The following CEP250 variants were observed in gnomAD, a reference collection of about 807,000 sequenced individuals.
The protein encoded by CEP250 is centrosome-associated protein CEP250.
Under a neutral mutation model 315.7 loss-of-function variants are expected in CEP250, and 242 were observed. The ratio of observed to expected loss-of-function variants is 0.77; its 90% CI spans 0.69 to 0.85. The LOEUF is 0.85. CEP250 is among the 40% of genes least tolerant of loss of function. CEP250 has a pLI of 0.00. For missense variants in CEP250, 2,515 were observed against 2,886.4 expected, an observed-to-expected ratio of 0.87 and a Z score of 2.95; for synonymous variants, 1,088 against 1,175.0, an observed-to-expected ratio of 0.93 and a Z score of 1.51.
chr20:35,504,246 C>T lies in CEP250; in HGVS notation c.5877C>T (p.Ala1959=), dbSNP rs116041792. ...SQSSRHQEEA[A]RARAEALQEA... ...CCTCCCGGCATCAGGAGGAGGCTGC[C>T]CGGGCCCGGGCTGAGGCTCTGCAGG... Residue 1959 remains alanine (A), a synonymous_variant, in exon 30 of 35, where the codon GCC becomes GCT. Transcript: ENST00000397527. 1.0e-5 allele frequency: 16 copies of T among 1,600,256 alleles called. No homozygotes were observed. The East Asian group carries it at 3.6e-4, about 36-fold the overall frequency.
intron 18 of CEP250, 76 bp from the exon 19 acceptor site, chr20:35,479,570 T>C: frequency 6.3e-7 from 1 of 1,579,820 alleles, no homozygotes; most frequent in Non-Finnish European, 8.6e-7. Flanking sequence ...TAGCCAATAC[T>C]TAGAACCCAG....
intron 10 of CEP250, among the ~76,000 whole-genome samples, chr20:35,471,849 C>T (rs919268089): frequency 6.6e-6 from 1 of 152,164 alleles, no homozygotes; most frequent in African/African-American, 2.4e-5. Context: ...ATTTGGAACT[C>T]GTAATCACTT....
chr20:35,476,335 A>C, intron 15 of CEP250, 114 bp from the exon 16 acceptor site: 1 of 906,000 alleles, frequency 1.1e-6, no homozygotes. Context: ...CAGGAGAGGG[A>C]ATGGAGTATT....
rs3762191 is a variant in CEP250, at chr20:35,498,816, A to G, written c.3777+100A>G. 1.2e-3 allele frequency: 1,654 copies of G among 1,377,648 alleles called. 35 individuals are homozygous for G. In the East Asian group the frequency reaches 0.042, roughly 35 times the overall value. 85.3% of individuals were successfully genotyped at this position (1,377,648 alleles called of 1,614,324 possible). ...TTTGACCTGTTTTATTCCTGAGATC[A>G]AGTTGGGATGAGTTTCACCTCTATC... On this transcript the variant is annotated intron_variant, in intron 27 of 34. Coordinates refer to ENST00000397527, the MANE Select transcript of CEP250 (RefSeq NM_007186.6).
rs2063913597 is a variant in CEP250 at position 35,498,598 on chromosome 20, A to G, written c.3659A>G (p.Gln1220Arg). Residue 1220 changes from glutamine (Q) to arginine (R), a missense_variant, in exon 27 of 35, where the codon CAG (glutamine) becomes CGG (arginine). By Grantham distance (43) the Gln-to-Arg change is conservative. Coordinates refer to ENST00000397527, the MANE Select transcript of CEP250 (RefSeq NM_007186.6). Reference sequence around the variant, plus strand: ...GAGGTTTTCCTCATTTTTTCAGACCAGAATGGAGCTAGGAGCCTCTTTAAG... The same window carrying G: ...GAGGTTTTCCTCATTTTTTCAGACCGGAATGGAGCTAGGAGCCTCTTTAAG... ...APSVWGLEPD[Q>R]NGARSLFKRG... is the part of the protein sequence containing the mutation. 1.2e-6 allele frequency: 2 copies of G among 1,605,002 alleles called. No homozygotes were observed. The highest frequency in any genetic ancestry group is 1.7e-6 in the Non-Finnish European group (2 of 1,177,528).
intron 15 of CEP250, chr20:35,476,056 C>T (rs1459698212): frequency 4.5e-6 from 1 of 221,820 alleles, no homozygotes; most frequent in Non-Finnish European, 9.0e-6. Flanking sequence ...TTTTCCCTTT[C>T]TCTGCACTAC....
chr20:35,503,286 C>T lies in CEP250; in HGVS notation c.4917C>T (p.Ile1639=), dbSNP rs936132880. Residue 1639 remains isoleucine, a synonymous_variant, in exon 30 of 35, where the codon ATC becomes ATT. Transcript: ENST00000397527. The surrounding 1 kb of genome is among the most constrained non-coding windows in gnomAD (Gnocchi z 4.2). ...AGGTGAAGTCTCAGCGAGAACAGAT[C>T]GAGGAGCTGCAGAGGCAGAAAGAGC... The part of the protein sequence containing the change: ...DQEVKSQREQ[I]EELQRQKEHL... The T allele has an allele frequency of 3.1e-6, 5 of 1,613,870 alleles. No homozygotes were observed. Among genetic ancestry groups the T allele is most frequent in the East Asian group, 2.2e-5 (1 of 44,880 alleles).
At chr20:35,505,639 C>T (rs1343447929) in intron 30 of CEP250, among the ~76,000 whole-genome samples, 2 of 122,826 alleles carry the variant, frequency 1.6e-5, no homozygotes, top group African/African-American at 2.9e-5. Context: ...GGCAAAGAAA[C>T]GAGACTCCAT....
At position 35,469,921 on chromosome 20, in the gene CEP250, T is replaced by G; in HGVS notation, c.883T>G (p.Ser295Ala). The change falls in exon 10 of 35, where the codon TCT becomes GCT. Residue 295 changes from serine (S) to alanine (A), a missense_variant. By Grantham distance (99) the Ser-to-Ala change is moderately conservative. Coordinates refer to ENST00000397527, the MANE Select transcript of CEP250 (RefSeq NM_007186.6). Reference sequence around the variant, plus strand: ...CGAGCTCTCTGCTCTGTTGACCCAGTCTCAGAAGCAAAATGAAGATTATGA... The same window carrying G: ...CGAGCTCTCTGCTCTGTTGACCCAGGCTCAGAAGCAAAATGAAGATTATGA... ...VTELSALLTQSQKQNEDYEKM... is the reference protein window; with the variant it reads ...VTELSALLTQAQKQNEDYEKM... 1 of 1,613,830 alleles carries G rather than the reference T, an allele frequency of 6.2e-7. No individual in the cohort carries two copies. Among genetic ancestry groups the G allele is most frequent in the Non-Finnish European group, 8.5e-7 (1 of 1,179,812 alleles).
intron 17 of CEP250, among the ~76,000 whole-genome samples, chr20:35,478,795 A>C (rs1176779502): frequency 6.6e-6 from 1 of 152,206 alleles, no homozygotes; most frequent in Non-Finnish European, 1.5e-5. Flanking sequence ...AGTGCCTACC[A>C]CATAACAGGG....
chr20:35,484,782 C>T (rs572531849), intron 20 of CEP250, among the ~76,000 whole-genome samples: 1 of 152,196 alleles, frequency 6.6e-6, no homozygotes, highest in South Asian at 2.1e-4. Context: ...GCTTTGCAGA[C>T]CATATGGTCT....
chr20:35,498,139 A>C, intron 26 of CEP250, 72 bp downstream of exon 26: 1 of 1,155,990 alleles, frequency 8.7e-7, no homozygotes, highest in East Asian at 2.6e-5. Flanking sequence ...AAGGGAGAGG[A>C]ATGCTATTTG....
In CEP250 at chr20:35,511,789, G is replaced by A; in HGVS notation, c.*163G>A. The A allele has an allele frequency of 7.0e-7, 1 of 1,419,114 alleles. No individual in the cohort carries two copies. The highest frequency in any genetic ancestry group is 2.5e-5 in the East Asian group (1 of 39,612). The allele number at this position is 1,419,114 out of a possible 1,614,324, so 87.9% of individuals were successfully genotyped here. A position where few individuals can be genotyped will look rare whatever the true frequency, so the allele number is the denominator to read the frequency against. Reference sequence around the variant, plus strand: ...GAGGAAGTAAATCTGCAACCCTGGGGAGGACCCCAACTCACCTGGGAATGA... The same window carrying A: ...GAGGAAGTAAATCTGCAACCCTGGGAAGGACCCCAACTCACCTGGGAATGA... On this transcript the variant is annotated 3_prime_UTR_variant, in exon 35 of 35. Transcript: ENST00000397527.
At chr20:35,484,404 G>A (rs1355894589) in intron 20 of CEP250, among the ~76,000 whole-genome samples, 1 of 152,014 alleles carries the variant, frequency 6.6e-6, no homozygotes, top group Non-Finnish European at 1.5e-5. Context: ...CTCAGCTTGT[G>A]GTTATGAATT....
chr20:35,505,680 A>G (rs1313660842), intron 30 of CEP250, among the ~76,000 whole-genome samples: 6 of 149,290 alleles, frequency 4.0e-5, no homozygotes, highest in Non-Finnish European at 8.9e-5. Flanking sequence ...AATAGACGTG[A>G]AGGGACCAGT....
rs1406406712 is a variant in CEP250, at chr20:35,503,383, G to A, written c.5014G>A (p.Asp1672Asn). The A allele has an allele frequency of 1.9e-6, 3 of 1,614,180 alleles. No homozygotes were observed. The Admixed American group carries it at 5.0e-5, about 27-fold the overall frequency. ...LQKERIQVLEDQRTRQTKILE... is the reference protein window; with the variant it reads ...LQKERIQVLENQRTRQTKILE... ...GAAGGAGAGGATTCAGGTTCTCGAG[G>A]ATCAGAGGACCCGGCAGACCAAGAT... The change falls in exon 30 of 35, where the codon GAT becomes AAT. Residue 1672 changes from aspartate to asparagine, a missense_variant. Asp to Asn is a conservative substitution (Grantham distance 23, BLOSUM62 1). Transcript: ENST00000397527. This position sits in a 1 kb window ranked among gnomAD's most constrained non-coding sequence, Gnocchi z 4.2.
At position 35,498,006 on chromosome 20, in the gene CEP250, G is replaced by A. The variant is rs201126201; in HGVS notation, c.3594G>A (p.Glu1198=). Residue 1198 remains glutamate, a synonymous_variant, in exon 26 of 35, where the codon GAG becomes GAA. Transcript: ENST00000397527. The stretch of plus-strand genomic sequence containing the variant: ...AGCAGGCCCTGGGGTCTGTTTGTGA[G>A]AGCAGGCCTGAGCTGAGTGGTGGGG... The part of the protein sequence containing the change: ...ALQQALGSVC[E]SRPELSGGGD... 18 of 1,606,808 alleles carry A rather than the reference G, an allele frequency of 1.1e-5. No individual in the cohort carries two copies. In the African/African-American group the frequency reaches 2.3e-4, roughly 20 times the overall value.
chr20:35,505,122 A>C, intron 30 of CEP250, 117 bp downstream of exon 30: 1 of 811,942 alleles, frequency 1.2e-6, no homozygotes. Context: ...AGCTGAGATC[A>C]TGAGCACCTC....
intron 19 of CEP250, 83 bp downstream of exon 19, chr20:35,479,856 C>T: frequency 6.2e-7 from 1 of 1,602,204 alleles, no homozygotes; most frequent in South Asian, 1.1e-5. Flanking sequence ...TATTAGAGGT[C>T]CTTCTCCAGC....
Sources: gnomAD v4.1 joint callset for allele counts (sites outside exome capture counted in the v4.1 genomes callset) on GRCh38, gnomAD v4.1.1 for gene constraint, Gnocchi (gnomAD v3.1) non-coding constraint, MANE v1.5 for transcripts, NCBI Gene and HGNC (gene_info 2026-07-23, HGNC 2026-07-21) for gene names.